The following VOPP1 variants were observed in gnomAD, a reference collection of about 807,000 sequenced individuals.
VOPP1 encodes VOPP1 WW domain binding protein.
A neutral mutation model predicts 23.5 loss-of-function variants in VOPP1; 8 were observed. The ratio of observed to expected loss-of-function variants is 0.34; its 90% confidence interval spans 0.20 to 0.61. The LOEUF (loss-of-function observed/expected upper bound fraction) is 0.61, where lower values mean the gene tolerates loss of function less well. Among genes scored for constraint, VOPP1 ranks in the 20% least tolerant of loss-of-function variants. The pLI, the probability that VOPP1 is intolerant of heterozygous loss-of-function variation, is 0.78. For synonymous variants in VOPP1, 83 were observed against 97.3 expected (o/e 0.85, Z 0.86); for missense variants, 174 against 238.1 (o/e 0.73, Z 1.77).
intron 2 of VOPP1, among the ~76,000 whole-genome samples, chr7:55,503,944 T>C (rs1040718796): frequency 6.6e-6 from 1 of 152,244 alleles, no homozygotes; most frequent in Non-Finnish European, 1.5e-5. Flanking sequence ...TAATTGTATT[T>C]AAAAGGATTT....
chr7:55,521,031 A>C, intron 2 of VOPP1, 41 bp downstream of exon 2: 233 of 1,473,580 alleles, frequency 1.6e-4, no homozygotes, highest in Non-Finnish European at 2.0e-4. Flanking sequence ...AGAGAAAGGT[A>C]TGGCCACAGA....
chr7:55,516,928 ATATATTTTTTTTTTTT>A (rs1221318758), intron 2 of VOPP1, among the ~76,000 whole-genome samples: 8 of 50,068 alleles, frequency 1.6e-4, no homozygotes, highest in African/African-American at 4.4e-4. Flanking sequence ...ATATATATAT[ATATATTTTTTTTTTTT>A]TTTTTTTTTT....
chr7:55,449,224 C>T (rs980792751), intron 4 of VOPP1, among the ~76,000 whole-genome samples: 1 of 152,230 alleles, frequency 6.6e-6, no homozygotes, highest in Non-Finnish European at 1.5e-5. Flanking sequence ...GGCGCCCGTG[C>T]CTCAGGCGGT....
intron 1 of VOPP1, among the ~76,000 whole-genome samples, chr7:55,560,926 C>G (rs1226567747): frequency 1.3e-5 from 2 of 152,168 alleles, no homozygotes; most frequent in Admixed American, 6.5e-5. Flanking sequence ...CCCCAAAATC[C>G]TCTCACTCAT....
chr7:55,490,180 TC>T (rs1373534636), intron 4 of VOPP1, among the ~76,000 whole-genome samples: 4 of 151,840 alleles, frequency 2.6e-5, no homozygotes, highest in African/African-American at 4.8e-5. Flanking sequence ...CCGATGTGCT[TC>T]TGTTTTTTGT....
chr7:55,492,518 A>G lies in VOPP1; in HGVS notation c.192-100T>C, dbSNP rs1351886462. 2.2e-6 allele frequency: 3 copies of G among 1,340,132 alleles called. No individual in the cohort carries two copies. In the African/African-American group the frequency reaches 4.5e-5, roughly 20 times the overall value. The allele number at this position is 1,340,132 out of a possible 1,614,324, so 83.0% of individuals were successfully genotyped here. A position where few individuals can be genotyped will look rare whatever the true frequency, so the allele number is the denominator to read the frequency against. Reference sequence around the variant, plus strand: ...CTCATGCACTCCTCGGGGGTCCGGGACCAATGACTCCCAAATGCACGAGTC... The same window carrying G: ...CTCATGCACTCCTCGGGGGTCCGGGGCCAATGACTCCCAAATGCACGAGTC... On this transcript the variant is annotated intron_variant, in intron 3 of 4. Coordinates refer to ENST00000285279, the MANE Select transcript of VOPP1 (RefSeq NM_030796.5).
At chr7:55,541,854 A>C (rs558125722) in intron 1 of VOPP1, among the ~76,000 whole-genome samples, 3 of 152,332 alleles carry the variant, frequency 2.0e-5, no homozygotes, top group South Asian at 4.1e-4. Flanking sequence ...CATGTCCAGA[A>C]AGAGTAAATT....
intron 3 of VOPP1, among the ~76,000 whole-genome samples, chr7:55,494,875 G>A (rs150234641): frequency 7.3e-4 from 111 of 152,278 alleles, no homozygotes; most frequent in African/African-American, 2.6e-3. Context: ...AGTAAGAAAG[G>A]CAGTTCTTGC....
chr7:55,534,720 T>C (rs930596697), intron 1 of VOPP1, among the ~76,000 whole-genome samples: 2 of 152,234 alleles, frequency 1.3e-5, no homozygotes, highest in African/African-American at 4.8e-5. Context: ...CTTCTGCCAG[T>C]TGCCACCTGG....
At chr7:55,517,971 C>T (rs1795578052) in intron 2 of VOPP1, among the ~76,000 whole-genome samples, 1 of 152,212 alleles carries the variant, frequency 6.6e-6, no homozygotes, top group Non-Finnish European at 1.5e-5. Flanking sequence ...CTTGGCACCA[C>T]ACTGGGTTCA....
At chr7:55,468,393 A>T (rs955640723), downstream of VOPP1, among the ~76,000 whole-genome samples, 2 of 152,170 alleles carry the variant, frequency 1.3e-5, no homozygotes, top group Admixed American at 1.3e-4. Context: ...TAAGTGGCCC[A>T]TGGTGGCAGT....
intron 1 of VOPP1, among the ~76,000 whole-genome samples, chr7:55,560,984 T>A (rs1177896474): frequency 6.6e-6 from 1 of 152,156 alleles, no homozygotes; most frequent in African/African-American, 2.4e-5. Context: ...GCCACCCTTC[T>A]ACCTCCCTGC....
chr7:55,565,676 A>G (rs150337818), intron 1 of VOPP1, among the ~76,000 whole-genome samples: 1,664 of 152,356 alleles, frequency 0.011, 11 homozygotes, highest in Middle Eastern at 0.024. Flanking sequence ...GGTGTGGTGG[A>G]TTAGCAGCAG....
At chr7:55,568,492 G>A (rs1339523577) in intron 1 of VOPP1, among the ~76,000 whole-genome samples, 1 of 152,186 alleles carries the variant, frequency 6.6e-6, no homozygotes, top group Admixed American at 6.5e-5. Flanking sequence ...AGATCAGAAA[G>A]ATAATGAGTA....
In VOPP1 at chr7:55,497,681, G is replaced by A; in HGVS notation, c.123C>T (p.Ser41=). 6.2e-7 allele frequency: 1 copy of A among 1,614,006 alleles called. No homozygotes were observed. Among genetic ancestry groups the A allele is most frequent in the Non-Finnish European group, 8.5e-7 (1 of 1,179,888 alleles). Residue 41 remains serine (S), a synonymous_variant, in exon 3 of 5, where the codon TCC becomes TCT. Transcript: ENST00000285279. ...GLYPTYYICR[S]YEDCCGSRCC... ...ACCTGGAGCCACAGCAGTCCTCGTA[G>A]GAGCGGCATCTGTGGAGAGAGGCAC...
chr7:55,572,474 G>A lies in VOPP1; in HGVS notation c.-150C>T, dbSNP rs996626365. The A allele has an allele frequency of 5.5e-6, 2 of 365,830 alleles. No individual in the cohort carries two copies. Among genetic ancestry groups the A allele is most frequent in the African/African-American group, 4.4e-5 (2 of 45,146 alleles). 22.7% of individuals were successfully genotyped at this position (365,830 alleles called of 1,614,324 possible). ...CCGGCTGGGAGCGGGCGGGAGCCGG[G>A]GCGCGCCGCGCAGCCCTGGCTGCGC... On this transcript the variant is annotated 5_prime_UTR_variant, in exon 1 of 5. Transcript: ENST00000285279.
chr7:55,526,603 A>G (rs996752076), intron 1 of VOPP1: 1 of 152,246 alleles, frequency 6.6e-6, no homozygotes, highest in Non-Finnish European at 1.5e-5. Context: ...CAAGGATCCA[A>G]AACAACATGG....
At chr7:55,539,515 C>T (rs1425272919) in intron 1 of VOPP1, 1 of 152,260 alleles carries the variant, frequency 6.6e-6, no homozygotes, top group Admixed American at 6.5e-5. Context: ...TTCAACCAAA[C>T]TGAATTCAGC....
At chr7:55,462,376 T>A (rs974516292) in intron 4 of VOPP1, among the ~76,000 whole-genome samples, 1 of 152,230 alleles carries the variant, frequency 6.6e-6, no homozygotes, top group South Asian at 2.1e-4. Context: ...TTAAGCTTCC[T>A]GTATCTGGAT....
Sources: allele counts gnomAD v4.1 joint callset (sites outside exome capture counted in the v4.1 genomes callset), GRCh38; gene constraint gnomAD v4.1.1; transcripts MANE v1.5; gene names NCBI Gene and HGNC (gene_info 2026-07-23, HGNC 2026-07-21).